The following MEGF11 variants were observed in gnomAD, a reference collection of about 807,000 sequenced individuals.
The protein encoded by MEGF11 is multiple epidermal growth factor-like domains protein 11.
Under a neutral mutation model 146.6 loss-of-function variants are expected in MEGF11, and 126 were observed. The observed-to-expected ratio is 0.86, with a 90% confidence interval of 0.74 to 1.00. The LOEUF (loss-of-function observed/expected upper bound fraction) is 1.00. MEGF11 is among the 50% of genes least tolerant of loss of function. The pLI, the probability that MEGF11 is intolerant of heterozygous loss-of-function variation, is 0.00. For synonymous variants in MEGF11, 532 were observed against 583.4 expected (o/e 0.91, Z 1.27); for missense variants, 1,509 against 1,521.2 (o/e 0.99, Z 0.13).
chr15:65,913,887 C>G lies in MEGF11; in HGVS notation c.2560G>C (p.Gly854Arg). The change falls in exon 20 of 26, where the codon GGC (glycine) becomes CGC (arginine). Residue 854 changes from glycine to arginine, a missense_variant. Transcript: ENST00000395614. ...ATGAGGAATAACAGGAGCATGATGC[C>G]TGTGACAGCACCCACCGAGTGCCGC... ...AERHSVGAVT[G>R]IMLLLFLIVV... 6.2e-7 allele frequency: 1 copy of G among 1,613,936 alleles called. No individual in the cohort carries two copies. The highest frequency in any genetic ancestry group is 8.5e-7 in the Non-Finnish European group (1 of 1,179,888).
At position 65,928,435 on chromosome 15, in the gene MEGF11, G is replaced by T; in HGVS notation, c.1665C>A (p.Ala555=). The change falls in exon 13 of 26, where the codon GCC becomes GCA. Residue 555 remains alanine (A), a synonymous_variant. Transcript: ENST00000395614. ...GCAAGGGAAGGTTACCTGTCCATCC[G>T]GCCAGGCAGCAGCAGTGGCCTGTGA... ...DPVTGHCCCL[A]GWTGIRCDST... 2.5e-6 allele frequency: 4 copies of T among 1,593,890 alleles called. No individual in the cohort carries two copies. The highest frequency in any genetic ancestry group is 3.4e-6 in the Non-Finnish European group (4 of 1,167,298).
At chr15:66,135,114 G>A (rs949462017) in intron 1 of MEGF11, among the ~76,000 whole-genome samples, 3 of 152,216 alleles carry the variant, frequency 2.0e-5, no homozygotes, top group Non-Finnish European at 4.4e-5. Flanking sequence ...AAATGAGAAC[G>A]CAGGTAACGT....
intron 8 of MEGF11, among the ~76,000 whole-genome samples, chr15:65,969,410 C>T (rs2081227489): frequency 6.6e-6 from 1 of 152,146 alleles, no homozygotes; most frequent in Non-Finnish European, 1.5e-5. Context: ...GCCCTCTCTC[C>T]CATGGGTCAG....
intron 5 of MEGF11, among the ~76,000 whole-genome samples, chr15:65,999,074 T>G (rs1418693363): frequency 1.3e-5 from 2 of 151,326 alleles, no homozygotes; most frequent in African/African-American, 4.9e-5. Flanking sequence ...AGACAGGGTC[T>G]CGTTCTGTTG....
chr15:66,068,530 G>A (rs1489669455), intron 5 of MEGF11, among the ~76,000 whole-genome samples: 2 of 152,152 alleles, frequency 1.3e-5, no homozygotes, highest in Admixed American at 1.3e-4. Context: ...AGAAAGTTGA[G>A]GCCCAGAGAA....
At chr15:65,925,051 C>G (rs62014444) in intron 13 of MEGF11, among the ~76,000 whole-genome samples, 6 of 152,180 alleles carry the variant, frequency 3.9e-5, no homozygotes, top group Non-Finnish European at 7.3e-5. Context: ...CCACTGCACA[C>G]CAGGCACTCT....
intron 1 of MEGF11, among the ~76,000 whole-genome samples, chr15:66,245,341 T>TTTTAG (rs2140251699): frequency 6.6e-6 from 1 of 152,142 alleles, no homozygotes; most frequent in South Asian, 2.1e-4. Context: ...TAAAACAATG[T>TTTTAG]TTTAGGCCAG....
chr15:65,963,762 G>A (rs1362201550), intron 9 of MEGF11, among the ~76,000 whole-genome samples: 1 of 152,198 alleles, frequency 6.6e-6, no homozygotes, highest in East Asian at 1.9e-4. Flanking sequence ...TTCCACCTCT[G>A]CCTCACACCA....
chr15:66,201,885 T>C (rs1597149307), intron 1 of MEGF11, among the ~76,000 whole-genome samples: 1 of 136,228 alleles, frequency 7.3e-6, no homozygotes, highest in South Asian at 2.2e-4. Flanking sequence ...AGGCGGAGGC[T>C]GTAGTTAGCC....
At chr15:66,005,854 G>C (rs556610660) in intron 5 of MEGF11, among the ~76,000 whole-genome samples, 1 of 152,174 alleles carries the variant, frequency 6.6e-6, no homozygotes, top group African/African-American at 2.4e-5. Context: ...ACATGTACAC[G>C]CAGTGAAGAG....
intron 5 of MEGF11, among the ~76,000 whole-genome samples, chr15:66,077,768 C>T (rs376332305): frequency 1.4e-4 from 22 of 152,146 alleles, no homozygotes; most frequent in African/African-American, 4.1e-4. Context: ...TGTACAGAGT[C>T]GAGGCCCCTG....
intron 1 of MEGF11, among the ~76,000 whole-genome samples, chr15:66,207,078 C>A (rs2091317840): frequency 6.6e-6 from 1 of 151,752 alleles, no homozygotes; most frequent in South Asian, 2.1e-4. Flanking sequence ...TGAAGCATGT[C>A]AATACACACA....
At chr15:66,191,557 G>A (rs941568749) in intron 1 of MEGF11, among the ~76,000 whole-genome samples, 10 of 152,198 alleles carry the variant, frequency 6.6e-5, no homozygotes, top group African/African-American at 2.2e-4. Flanking sequence ...CCAATGCAGG[G>A]CACTCATCTG....
chr15:66,094,386 C>T lies in MEGF11; in HGVS notation c.394+16G>A, dbSNP rs2086447605. ...CAGAGCCAGGGTGCCTCCTGACCCC[C>T]AAACCCCAGACTCACCGCTGGAGCA... On this transcript the variant is annotated intron_variant, in intron 5 of 25. Transcript: ENST00000395614. 7 of 1,551,454 alleles carry T rather than the reference C, an allele frequency of 4.5e-6. No individual in the cohort carries two copies. The highest frequency in any genetic ancestry group is 6.1e-6 in the Non-Finnish European group (7 of 1,146,794).
chr15:66,193,626 T>C (rs2140060647), intron 1 of MEGF11, among the ~76,000 whole-genome samples: 1 of 152,170 alleles, frequency 6.6e-6, no homozygotes, highest in African/African-American at 2.4e-5. Context: ...ACCAAGGACA[T>C]GGAGGGCTGA....
At chr15:65,980,966 A>C (rs2081617756) in intron 6 of MEGF11, 68 bp from the exon 7 acceptor site, 2 of 1,465,976 alleles carry the variant, frequency 1.4e-6, no homozygotes, top group Non-Finnish European at 1.8e-6. Flanking sequence ...CCAGTGCTCC[A>C]GGGTTCCCTA....
At chr15:66,051,143 A>C (rs982139289) in intron 5 of MEGF11, among the ~76,000 whole-genome samples, 1 of 152,196 alleles carries the variant, frequency 6.6e-6, no homozygotes, top group African/African-American at 2.4e-5. Context: ...GGAGTCTCAC[A>C]ACAACCCCAC....
intron 4 of MEGF11, among the ~76,000 whole-genome samples, chr15:66,097,384 A>G (rs959302625): frequency 2.0e-5 from 3 of 152,106 alleles, no homozygotes; most frequent in Non-Finnish European, 4.4e-5. Flanking sequence ...GCCTGGGGTT[A>G]CTCAGCTGCT....
At chr15:66,185,311 C>T (rs952946699) in intron 1 of MEGF11, among the ~76,000 whole-genome samples, 1 of 152,220 alleles carries the variant, frequency 6.6e-6, no homozygotes, top group African/African-American at 2.4e-5. Flanking sequence ...AGCAGGAACT[C>T]CTGCCTCCCT....
Sources: gnomAD v4.1 joint callset for allele counts (sites outside exome capture counted in the v4.1 genomes callset) on GRCh38, gnomAD v4.1.1 for gene constraint, MANE v1.5 for transcripts, NCBI Gene and HGNC (gene_info 2026-07-23, HGNC 2026-07-21) for gene names.